The following KCNH1 variants were observed in gnomAD, a reference collection of about 807,000 sequenced individuals.
The protein encoded by KCNH1 is voltage-gated delayed rectifier potassium channel KCNH1.
In KCNH1, 27 loss-of-function variants were observed where a neutral mutation model predicts 69.2. That is an observed-to-expected ratio of 0.39 (90% CI 0.29 to 0.54). KCNH1 has a LOEUF of 0.54. Among genes scored for constraint, KCNH1 ranks in the 20% least tolerant of loss-of-function variants. KCNH1 has a pLI of 0.68. For synonymous variants in KCNH1, 456 were observed against 487.7 expected (o/e 0.93, Z 0.86); for missense variants, 798 against 1,261.6 (o/e 0.63, Z 5.57).
chr1:210,794,774 T>C (rs1574260297), intron 9 of KCNH1, among the ~76,000 whole-genome samples: 1 of 152,110 alleles, frequency 6.6e-6, no homozygotes, highest in East Asian at 1.9e-4. Context: ...TATCAAAGGG[T>C]TAAGTCAAAT....
intron 10 of KCNH1, among the ~76,000 whole-genome samples, chr1:210,737,664 A>G (rs1347002877): frequency 3.9e-5 from 6 of 152,056 alleles, no homozygotes; most frequent in Non-Finnish European, 1.5e-5. Context: ...CTCAAACTCC[A>G]TCCTCCAAAA....
intron 10 of KCNH1, among the ~76,000 whole-genome samples, chr1:210,688,295 T>C (rs1681450877): frequency 6.6e-6 from 1 of 152,228 alleles, no homozygotes; most frequent in Admixed American, 6.5e-5. Flanking sequence ...AGTTGTTTCC[T>C]GTTCCAACTG....
At chr1:210,862,110 G>A (rs4951679) in intron 7 of KCNH1, 43,887 of 1,110,948 alleles carry the variant, frequency 0.04, 3,257 homozygotes, top group African/African-American at 0.26. Context: ...TTTTCAAATA[G>A]ATAACACCTG....
At chr1:211,082,353 C>T (rs571947138) in intron 5 of KCNH1, among the ~76,000 whole-genome samples, 3 of 152,252 alleles carry the variant, frequency 2.0e-5, no homozygotes, top group Non-Finnish European at 2.9e-5. Flanking sequence ...TAAATGCACA[C>T]ACCAAAAAAA....
chr1:211,092,972 G>A (rs763798121), intron 3 of KCNH1, among the ~76,000 whole-genome samples: 2 of 151,750 alleles, frequency 1.3e-5, no homozygotes, highest in Non-Finnish European at 2.9e-5. Context: ...GTCAGTTCTT[G>A]TCATCTGATT....
At chr1:211,041,936 G>A (rs1690003769) in intron 5 of KCNH1, among the ~76,000 whole-genome samples, 1 of 152,044 alleles carries the variant, frequency 6.6e-6, no homozygotes, top group Non-Finnish European at 1.5e-5. Flanking sequence ...TGTATTTTTG[G>A]TAGGGATGGG....
chr1:211,013,970 C>A (rs1435777105), intron 6 of KCNH1, among the ~76,000 whole-genome samples: 1 of 152,124 alleles, frequency 6.6e-6, no homozygotes. Flanking sequence ...ACATTTTGCT[C>A]CTGTTCTGCT....
chr1:210,950,983 T>C (rs931453343), intron 6 of KCNH1, among the ~76,000 whole-genome samples: 9 of 152,172 alleles, frequency 5.9e-5, no homozygotes, highest in African/African-American at 2.2e-4. Flanking sequence ...AATAAAAGTT[T>C]AACAAGATTA....
intron 3 of KCNH1, 94 bp from the exon 4 acceptor site, chr1:211,090,784 A>C: frequency 8.7e-7 from 1 of 1,150,778 alleles, no homozygotes; most frequent in Non-Finnish European, 1.2e-6. Flanking sequence ...TACAAATATT[A>C]ATTCATTTTT....
intron 7 of KCNH1, among the ~76,000 whole-genome samples, chr1:210,865,635 T>C (rs892695119): frequency 2.6e-5 from 4 of 152,234 alleles, no homozygotes; most frequent in African/African-American, 9.6e-5. Flanking sequence ...ATGCATTTTA[T>C]GTAAGGAAAG....
At chr1:210,738,124 T>G in intron 10 of KCNH1, among the ~76,000 whole-genome samples, 1 of 151,474 alleles carries the variant, frequency 6.6e-6, no homozygotes, top group South Asian at 2.1e-4. Flanking sequence ...GCAACCATAT[T>G]GGTCTCTTTG....
intron 10 of KCNH1, among the ~76,000 whole-genome samples, chr1:210,722,922 C>G (rs1176295595): frequency 6.6e-6 from 1 of 152,182 alleles, no homozygotes. Flanking sequence ...TGGGGAAAAT[C>G]TCACACTTGT....
At chr1:210,989,368 T>G (rs1688900197) in intron 6 of KCNH1, among the ~76,000 whole-genome samples, 1 of 152,226 alleles carries the variant, frequency 6.6e-6, no homozygotes, top group South Asian at 2.1e-4. Context: ...TGAGTTTTCT[T>G]GTTATAGCCA....
chr1:210,743,326 G>C (rs890335685), intron 10 of KCNH1, among the ~76,000 whole-genome samples: 4 of 152,166 alleles, frequency 2.6e-5, no homozygotes, highest in African/African-American at 9.7e-5. Flanking sequence ...ATGAAGGGGA[G>C]AGCAGCTTTC....
intron 1 of KCNH1, among the ~76,000 whole-genome samples, chr1:211,124,285 G>C (rs1175294011): frequency 2.0e-5 from 3 of 152,168 alleles, no homozygotes; most frequent in Admixed American, 1.3e-4. Flanking sequence ...AGGTGTTTTT[G>C]TGTGTTGAAA....
Position 211,029,166 on chromosome 1 carries a change from C to CAA in KCNH1, c.559-9912_559-9911dup, listed in dbSNP as rs34291308. 2.2e-3 allele frequency among the ~76,000 whole-genome samples: 115 copies of CAA among 52,692 alleles called. 1 individual carries two copies. The highest frequency in any genetic ancestry group is 5.7e-3 in the East Asian group (10 of 1,742). 34.6% of individuals were successfully genotyped at this position (52,692 alleles called of 152,430 possible). A position where few individuals can be genotyped will look rare whatever the true frequency, so the allele number is the denominator to read the frequency against. ...GCAACATAGAGAGACCCCATCTCTA[C>CAA]AAAAAAAAAAAAAAAAAAAGGTCAG... On this transcript the variant is annotated intron_variant, in intron 5 of 10. Transcript: ENST00000271751.
At chr1:210,996,675 A>G (rs1689047270) in intron 6 of KCNH1, among the ~76,000 whole-genome samples, 1 of 152,188 alleles carries the variant, frequency 6.6e-6, no homozygotes, top group African/African-American at 2.4e-5. Context: ...TGAGAACTGG[A>G]AGACTGCCTC....
intron 10 of KCNH1, among the ~76,000 whole-genome samples, chr1:210,716,818 G>T (rs924504478): frequency 6.6e-6 from 1 of 152,154 alleles, no homozygotes; most frequent in African/African-American, 2.4e-5. Context: ...TAGGTGCTGG[G>T]CATACACTTA....
intron 7 of KCNH1, chr1:210,861,304 T>C: frequency 1.2e-6 from 1 of 858,306 alleles, no homozygotes; most frequent in South Asian, 1.3e-5. Flanking sequence ...TAGAATTTAA[T>C]GTCTGTTGTA....
Sources: gnomAD v4.1 joint callset for allele counts (sites outside exome capture counted in the v4.1 genomes callset) on GRCh38, gnomAD v4.1.1 for gene constraint, MANE v1.5 for transcripts, NCBI Gene and HGNC (gene_info 2026-07-23, HGNC 2026-07-21) for gene names.